The following CDH20 variants were observed in gnomAD, a reference collection of about 807,000 sequenced individuals.
The protein encoded by CDH20 is cadherin 20.
Under a neutral mutation model 74.2 loss-of-function variants are expected in CDH20, and 29 were observed. That is an observed-to-expected ratio of 0.39 (90% confidence interval 0.29 to 0.53). CDH20 has a LOEUF of 0.53. CDH20 is among the 20% of genes least tolerant of loss of function. The pLI is 0.69. For missense variants in CDH20, 988 were observed against 1,048.3 expected (o/e 0.94, Z 0.79); for synonymous variants, 469 against 405.4 (o/e 1.16, Z -1.88).
chr18:61,499,527 T>TACAC (rs753631465), intron 3 of CDH20, 47 bp downstream of exon 3: 121 of 1,209,700 alleles, frequency 1.0e-4, no homozygotes, highest in South Asian at 8.4e-4. Context: ...CTCCTATATA[T>TACAC]ATACACACAC....
chr18:61,343,647 G>A (rs1185419952), intron 1 of CDH20, among the ~76,000 whole-genome samples: 1 of 152,086 alleles, frequency 6.6e-6, no homozygotes, highest in East Asian at 1.9e-4. Context: ...GCCAGGAAAG[G>A]GCTCAACAAC....
intron 1 of CDH20, among the ~76,000 whole-genome samples, chr18:61,385,642 A>C (rs959818414): frequency 4.6e-5 from 7 of 152,142 alleles, no homozygotes; most frequent in Non-Finnish European, 1.0e-4. Flanking sequence ...AAAGATATTA[A>C]CAGTTTACAG....
At chr18:61,479,056 GA>G (rs1177436933) in intron 1 of CDH20, among the ~76,000 whole-genome samples, 1 of 151,912 alleles carries the variant, frequency 6.6e-6, no homozygotes, top group Admixed American at 6.6e-5. Flanking sequence ...TTAAAGTGTG[GA>G]AAAAATAGTT....
intron 1 of CDH20, among the ~76,000 whole-genome samples, chr18:61,484,119 C>G (rs765410217): frequency 6.6e-6 from 1 of 152,194 alleles, no homozygotes; most frequent in Non-Finnish European, 1.5e-5. Context: ...CAATTACTTG[C>G]AACTTCTTAA....
At chr18:61,487,255 T>C (rs1910800145) in intron 1 of CDH20, among the ~76,000 whole-genome samples, 1 of 152,158 alleles carries the variant, frequency 6.6e-6, no homozygotes, top group Non-Finnish European at 1.5e-5. Flanking sequence ...CCCAAACACA[T>C]TATTGCTATT....
chr18:61,536,394 GAACCATGTTTCAT>G, intron 7 of CDH20, 86 bp from the exon 8 acceptor site: 1 of 930,858 alleles, frequency 1.1e-6, no homozygotes, highest in Non-Finnish European at 1.6e-6. Flanking sequence ...AGAAGTGGTG[GAACCATGTTTCAT>G]ATGGTAGGCA....
At chr18:61,452,268 TTA>T (rs1909419106) in intron 1 of CDH20, among the ~76,000 whole-genome samples, 4 of 152,302 alleles carry the variant, frequency 2.6e-5, no homozygotes, top group Admixed American at 2.0e-4. Context: ...GTGTGAAATT[TTA>T]TGTTTTTAAA....
At chr18:61,451,204 C>G (rs1246061443) in intron 1 of CDH20, among the ~76,000 whole-genome samples, 1 of 151,634 alleles carries the variant, frequency 6.6e-6, no homozygotes, top group Non-Finnish European at 1.5e-5. Context: ...GCCCCAGGGA[C>G]AGTGGTATGT....
At chr18:61,498,119 G>T (rs1911235125) in intron 2 of CDH20, among the ~76,000 whole-genome samples, 1 of 152,192 alleles carries the variant, frequency 6.6e-6, no homozygotes. Context: ...AAGTATTCTG[G>T]CTGGGCGTGG....
chr18:61,518,956 T>G (rs1377996844), intron 6 of CDH20, among the ~76,000 whole-genome samples: 4 of 151,208 alleles, frequency 2.6e-5, no homozygotes, highest in Admixed American at 2.0e-4. Context: ...AAACACAGCA[T>G]GAGAACTTCG....
At chr18:61,420,879 C>A (rs1912852554) in intron 1 of CDH20, among the ~76,000 whole-genome samples, 1 of 152,088 alleles carries the variant, frequency 6.6e-6, no homozygotes, top group African/African-American at 2.4e-5. Flanking sequence ...CATGGCAAAA[C>A]CCTGTCTCTA....
At chr18:61,518,895 A>G (rs1001205331) in intron 6 of CDH20, among the ~76,000 whole-genome samples, 6 of 151,354 alleles carry the variant, frequency 4.0e-5, no homozygotes, top group Non-Finnish European at 1.5e-5. Flanking sequence ...AGGAATTGCT[A>G]ACTAGAATAA....
chr18:61,391,551 T>A (rs1911780120), intron 1 of CDH20: 1 of 152,196 alleles, frequency 6.6e-6, no homozygotes, highest in Non-Finnish European at 1.5e-5. Flanking sequence ...CATAGAGACC[T>A]GATTATGGAG....
intron 6 of CDH20, among the ~76,000 whole-genome samples, chr18:61,524,856 C>T (rs148996098): frequency 6.6e-6 from 1 of 151,942 alleles, no homozygotes; most frequent in African/African-American, 2.4e-5. Context: ...GGGAGGCAGA[C>T]GTTGCAGTGA....
intron 8 of CDH20, among the ~76,000 whole-genome samples, chr18:61,538,417 C>T (rs1912882122): frequency 6.6e-6 from 1 of 151,900 alleles, no homozygotes; most frequent in African/African-American, 2.4e-5. Flanking sequence ...TCCCTTCATA[C>T]TGCTGATAGC....
At chr18:61,398,198 G>T (rs890015723) in intron 1 of CDH20, among the ~76,000 whole-genome samples, 1 of 152,180 alleles carries the variant, frequency 6.6e-6, no homozygotes, top group African/African-American at 2.4e-5. Flanking sequence ...GTCACTATTT[G>T]TCTGTCACAA....
At chr18:61,550,750 T>C (rs1328762276) in intron 11 of CDH20, among the ~76,000 whole-genome samples, 1 of 152,086 alleles carries the variant, frequency 6.6e-6, no homozygotes, top group African/African-American at 2.4e-5. Flanking sequence ...TTCTCCTAAA[T>C]GCTCATCCCG....
intron 1 of CDH20, among the ~76,000 whole-genome samples, chr18:61,471,794 G>A (rs962011952): frequency 6.6e-6 from 1 of 152,100 alleles, no homozygotes; most frequent in African/African-American, 2.4e-5. Context: ...GTAATGACAG[G>A]TTTCTTAGGG....
chr18:61,354,453 C>T (rs1568107432), intron 1 of CDH20, among the ~76,000 whole-genome samples: 1 of 151,972 alleles, frequency 6.6e-6, no homozygotes, highest in African/African-American at 2.4e-5. Flanking sequence ...ACAAGAAATA[C>T]AAAAAATTAG....
Sources: gnomAD v4.1 joint callset for allele counts (sites outside exome capture counted in the v4.1 genomes callset) on GRCh38, gnomAD v4.1.1 for gene constraint, MANE v1.5 for transcripts, NCBI Gene and HGNC (gene_info 2026-07-23, HGNC 2026-07-21) for gene names.